The following FBXO34 variants were observed in gnomAD, a reference collection of about 807,000 sequenced individuals.
FBXO34 encodes the protein F-box only protein 34.
In FBXO34, 12 loss-of-function variants were observed where a neutral mutation model predicts 24.5. The ratio of observed to expected loss-of-function variants is 0.49; its 90% CI spans 0.31 to 0.79. The LOEUF (loss-of-function observed/expected upper bound fraction) is 0.79, where lower values mean the gene tolerates loss of function less well. Among genes scored for constraint, FBXO34 ranks in the 30% least tolerant of loss-of-function variants. FBXO34 has a pLI of 0.04. For missense variants in FBXO34, 823 were observed against 857.7 expected, an observed-to-expected ratio of 0.96 and a Z score of 0.51; for synonymous variants, 320 against 311.9, an observed-to-expected ratio of 1.03 and a Z score of -0.27.
chr14:55,429,115 T>TA, the FBXO34 span: 1 of 984,260 alleles, frequency 1.0e-6, no homozygotes, highest in East Asian at 2.6e-5. Context: ...GAGGAGGACT[T>TA]ACTTCCCATA....
At chr14:55,401,561 T>G in the FBXO34 span, among the ~76,000 whole-genome samples, 8 of 152,250 alleles carry the variant, frequency 5.3e-5, no homozygotes, top group African/African-American at 1.9e-4. Context: ...TCCATACTTA[T>G]ATGATTTGGG....
chr14:55,382,283 C>A, the FBXO34 span: 2 of 1,120,382 alleles, frequency 1.8e-6, no homozygotes, highest in Admixed American at 2.1e-5. Flanking sequence ...CATCGAAAAG[C>A]TGCCTATGAG....
the FBXO34 span, among the ~76,000 whole-genome samples, chr14:55,400,609 A>G: frequency 3.3e-5 from 5 of 152,186 alleles, no homozygotes; most frequent in Non-Finnish European, 5.9e-5. Context: ...ATTCCTACAA[A>G]TAAAATAAAC....
At chr14:55,404,556 A>G in the FBXO34 span, among the ~76,000 whole-genome samples, 2 of 152,182 alleles carry the variant, frequency 1.3e-5, no homozygotes, top group African/African-American at 4.8e-5. Flanking sequence ...TTCAAAAGAG[A>G]CGAGATTATG....
intron 1 of FBXO34, among the ~76,000 whole-genome samples, chr14:55,344,977 C>T (rs564254386): frequency 6.6e-6 from 1 of 152,224 alleles, no homozygotes; most frequent in South Asian, 2.1e-4. Flanking sequence ...AGTGTCTAGC[C>T]CAGAGCGGCT....
chr14:55,421,060 CAA>C, the FBXO34 span, among the ~76,000 whole-genome samples: 28 of 107,544 alleles, frequency 2.6e-4, no homozygotes, highest in East Asian at 8.1e-4. Context: ...GAATCTGTCT[CAA>C]AAAAAAAAAA....
chr14:55,395,954 T>C, the FBXO34 span: 1 of 1,595,772 alleles, frequency 6.3e-7, no homozygotes, highest in Non-Finnish European at 8.5e-7. Context: ...TGATCTGTTA[T>C]CCATTTTCCT....
the FBXO34 span, chr14:55,394,932 G>A: frequency 2.9e-5 from 11 of 383,982 alleles, no homozygotes; most frequent in South Asian, 2.2e-4. Flanking sequence ...TAAACAACCA[G>A]AGAATGATTT....
At chr14:55,434,743 T>A in the FBXO34 span, among the ~76,000 whole-genome samples, 1 of 152,168 alleles carries the variant, frequency 6.6e-6, no homozygotes, top group Non-Finnish European at 1.5e-5. Flanking sequence ...TCGGGTAACA[T>A]CGAGGTAACA....
At chr14:55,396,032 G>A in the FBXO34 span, 4 of 1,426,072 alleles carry the variant, frequency 2.8e-6, no homozygotes, top group African/African-American at 1.5e-5. Flanking sequence ...ATAAAATTCT[G>A]TGAAGTTCAA....
chr14:55,436,996 G>C, the FBXO34 span: 1 of 1,614,060 alleles, frequency 6.2e-7, no homozygotes, highest in South Asian at 1.1e-5. Flanking sequence ...GAACAGGGGA[G>C]ACCTGGGTGG....
the FBXO34 span, among the ~76,000 whole-genome samples, chr14:55,408,754 G>C: frequency 1.3e-5 from 2 of 152,290 alleles, no homozygotes; most frequent in Non-Finnish European, 2.9e-5. Flanking sequence ...CTCGGTGACA[G>C]AGCAAGATCC....
chr14:55,418,274 G>A, the FBXO34 span, among the ~76,000 whole-genome samples: 23 of 152,290 alleles, frequency 1.5e-4, no homozygotes, highest in African/African-American at 5.3e-4. Flanking sequence ...GTACTTGGTA[G>A]GCACCCAAAA....
chr14:55,336,589 A>G (rs1038460133), intron 1 of FBXO34, among the ~76,000 whole-genome samples: 8 of 152,156 alleles, frequency 5.3e-5, no homozygotes, highest in East Asian at 1.9e-4. Context: ...AAATTTAGCT[A>G]TGTACAGAAA....
downstream of FBXO34, among the ~76,000 whole-genome samples, chr14:55,370,842 C>T (rs995648026): frequency 1.3e-4 from 19 of 151,822 alleles, no homozygotes; most frequent in Non-Finnish European, 2.5e-4. Context: ...GGTTTCACCA[C>T]GTTGGCCAGG....
intron 1 of FBXO34, among the ~76,000 whole-genome samples, chr14:55,299,941 C>T (rs74357427): frequency 0.02 from 2,994 of 152,250 alleles, 74 homozygotes; most frequent in African/African-American, 0.068. Flanking sequence ...GAACTGTTCC[C>T]CTCCAACTTC....
chr14:55,401,497 T>A, the FBXO34 span, among the ~76,000 whole-genome samples: 1 of 152,224 alleles, frequency 6.6e-6, no homozygotes, highest in Non-Finnish European at 1.5e-5. Context: ...CAACACTATT[T>A]TCCGTATTTT....
At chr14:55,298,983 G>A (rs955725385) in intron 1 of FBXO34, 4 of 1,606,648 alleles carry the variant, frequency 2.5e-6, no homozygotes, top group South Asian at 1.1e-5. Flanking sequence ...CATGGACATC[G>A]ATAAAGTTGA....
the FBXO34 span, chr14:55,377,843 C>G: frequency 6.3e-7 from 1 of 1,596,862 alleles, no homozygotes; most frequent in Non-Finnish European, 8.5e-7. Flanking sequence ...AGAGCTTGGA[C>G]TGACCAGGTA....
Sources: gnomAD v4.1 joint callset for allele counts (sites outside exome capture counted in the v4.1 genomes callset) on GRCh38, gnomAD v4.1.1 for gene constraint, MANE v1.5 for transcripts, NCBI Gene and HGNC (gene_info 2026-07-23, HGNC 2026-07-21) for gene names.